DPP10: variants seen among roughly 807,000 people sequenced by gnomAD.
The protein encoded by DPP10 is dipeptidyl peptidase like 10, also known as inactive dipeptidyl peptidase 10.
DPP10 carries 33 observed loss-of-function variants against 120.9 expected under a neutral mutation model. The ratio of observed to expected loss-of-function variants is 0.27; its 90% confidence interval spans 0.21 to 0.37. DPP10 has a LOEUF of 0.37. DPP10 is among the 10% of genes least tolerant of loss of function. The pLI is 1.00. For missense variants in DPP10, 816 were observed against 942.8 expected (o/e 0.87, Z 1.76); for synonymous variants, 337 against 326.1 (o/e 1.03, Z -0.36).
intron 1 of DPP10, among the ~76,000 whole-genome samples, chr2:114,864,860 C>T (rs1390702162): frequency 6.6e-6 from 1 of 152,078 alleles, no homozygotes; most frequent in Non-Finnish European, 1.5e-5. Flanking sequence ...TAGAACCTTG[C>T]CAAGATCTTC....
chr2:114,845,373 T>G (rs1574328545), intron 1 of DPP10, among the ~76,000 whole-genome samples: 1 of 152,284 alleles, frequency 6.6e-6, no homozygotes, highest in East Asian at 1.9e-4. Context: ...TTCTGCTTAG[T>G]TTTGCTGTGA....
intron 3 of DPP10, among the ~76,000 whole-genome samples, chr2:115,410,203 C>T (rs765922400): frequency 6.6e-6 from 1 of 152,142 alleles, no homozygotes; most frequent in African/African-American, 2.4e-5. Flanking sequence ...CAGCACTACT[C>T]ACAATAGCAA....
chr2:115,685,847 G>A (rs942396890), intron 5 of DPP10, among the ~76,000 whole-genome samples: 2 of 151,942 alleles, frequency 1.3e-5, no homozygotes, highest in Non-Finnish European at 2.9e-5. Context: ...AAATATGTCT[G>A]TTTTTCCTTT....
intron 5 of DPP10, among the ~76,000 whole-genome samples, chr2:115,541,249 T>C (rs1375719164): frequency 6.6e-6 from 1 of 151,884 alleles, no homozygotes; most frequent in Non-Finnish European, 1.5e-5. Context: ...CCCCAAAAAA[T>C]ATCCTGTTTC....
intron 1 of DPP10, among the ~76,000 whole-genome samples, chr2:114,458,828 A>G (rs532206396): frequency 6.6e-6 from 1 of 152,338 alleles, no homozygotes; most frequent in East Asian, 1.9e-4. Flanking sequence ...TGAAGAGATC[A>G]TTAATAAAAG....
chr2:114,744,780 T>TA (rs766310958), intron 1 of DPP10, among the ~76,000 whole-genome samples: 1 of 152,084 alleles, frequency 6.6e-6, no homozygotes, highest in Non-Finnish European at 1.5e-5. Context: ...TGTTTTTTTT[T>TA]AGACGGAGTC....
At chr2:115,661,591 A>G (rs2088978339) in intron 5 of DPP10, among the ~76,000 whole-genome samples, 1 of 152,196 alleles carries the variant, frequency 6.6e-6, no homozygotes, top group South Asian at 2.1e-4. Context: ...ATGGAGTAGA[A>G]GTTATTGTTT....
At chr2:115,084,181 T>C (rs955516573) in intron 1 of DPP10, among the ~76,000 whole-genome samples, 1 of 152,224 alleles carries the variant, frequency 6.6e-6, no homozygotes, top group Non-Finnish European at 1.5e-5. Context: ...ACTTGGACTC[T>C]GTGAAGTCAA....
intron 3 of DPP10, among the ~76,000 whole-genome samples, chr2:115,364,669 G>C (rs2064982779): frequency 7.4e-6 from 1 of 134,264 alleles, no homozygotes; most frequent in African/African-American, 2.8e-5. Context: ...TGACTTTTAT[G>C]CTTAGCAATG....
At chr2:115,079,305 G>A (rs1047581972) in intron 1 of DPP10, among the ~76,000 whole-genome samples, 7 of 151,560 alleles carry the variant, frequency 4.6e-5, no homozygotes, top group South Asian at 2.1e-4. Context: ...GCGTGAACCC[G>A]GGAGGCGGAG....
At chr2:115,247,761 A>G (rs1192074924) in intron 1 of DPP10, among the ~76,000 whole-genome samples, 1 of 152,176 alleles carries the variant, frequency 6.6e-6, no homozygotes. Flanking sequence ...ACTTTCAAGA[A>G]GGTTGATGAT....
intron 5 of DPP10, among the ~76,000 whole-genome samples, chr2:115,645,903 A>G (rs2087203405): frequency 6.6e-6 from 1 of 152,196 alleles, no homozygotes; most frequent in Admixed American, 6.5e-5. Flanking sequence ...TGACGAGGTA[A>G]CAATTATTGG....
chr2:114,827,928 T>G (rs1014185751), intron 1 of DPP10, among the ~76,000 whole-genome samples: 5 of 152,220 alleles, frequency 3.3e-5, no homozygotes, highest in African/African-American at 1.2e-4. Flanking sequence ...ACCATTTTCT[T>G]TTTTTACAAT....
intron 5 of DPP10, among the ~76,000 whole-genome samples, chr2:115,583,751 G>A (rs1362972847): frequency 4.6e-5 from 7 of 152,110 alleles, no homozygotes; most frequent in African/African-American, 1.7e-4. Context: ...CTCTCAGGGA[G>A]AAAAACATCA....
intron 5 of DPP10, among the ~76,000 whole-genome samples, chr2:115,669,452 A>G (rs1236896938): frequency 3.9e-5 from 6 of 152,172 alleles, no homozygotes; most frequent in Admixed American, 3.9e-4. Flanking sequence ...TTTGCAAGTG[A>G]TTTAAATACT....
Position 115,399,961 on chromosome 2 carries a change from G to C in DPP10, c.271+56049G>C, listed in dbSNP as rs112168970. ...GGAAGCATAGCAGCTTCTGCTTCTGGGGAGGTCTCATGAAGCCTCCAATCA... is the reference window on the plus strand; with the variant it reads ...GGAAGCATAGCAGCTTCTGCTTCTGCGGAGGTCTCATGAAGCCTCCAATCA... On this transcript the variant is annotated intron_variant, in intron 3 of 25. Coordinates refer to ENST00000410059, the MANE Select transcript of DPP10 (RefSeq NM_020868.6). 5.5e-3 allele frequency among the ~76,000 whole-genome samples: 830 copies of C among 152,188 alleles called. 7 individuals are homozygous for C. The highest frequency in any genetic ancestry group is 0.019 in the African/African-American group (777 of 41,512).
chr2:115,509,626 A>C (rs1343330639), intron 4 of DPP10, among the ~76,000 whole-genome samples: 1 of 152,280 alleles, frequency 6.6e-6, no homozygotes, highest in East Asian at 1.9e-4. Flanking sequence ...AGATTGCGCC[A>C]CTGCACTCCA....
intron 1 of DPP10, among the ~76,000 whole-genome samples, chr2:115,013,658 C>CAAAAAAAAA (rs59313783): frequency 5.1e-5 from 3 of 58,414 alleles, no homozygotes; most frequent in African/African-American, 1.1e-4. Flanking sequence ...AAATGGAAAG[C>CAAAAAAAAA]AAAAAAAAAA....
At chr2:115,162,418 G>A (rs987714139) in intron 1 of DPP10, 1 of 1,218,230 alleles carries the variant, frequency 8.2e-7, no homozygotes, top group African/African-American at 1.6e-5. Flanking sequence ...CGCTCACCGG[G>A]TTCGAGCCCC....
Sources: gnomAD v4.1 joint callset for allele counts (sites outside exome capture counted in the v4.1 genomes callset) on GRCh38, gnomAD v4.1.1 for gene constraint, MANE v1.5 for transcripts, NCBI Gene and HGNC (gene_info 2026-07-23, HGNC 2026-07-21) for gene names.